The following AFF2 variants were observed in gnomAD, a reference collection of about 807,000 sequenced individuals.
The protein encoded by AFF2 is AF4/FMR2 family member 2.
A neutral mutation model predicts 76.9 loss-of-function variants in AFF2; 14 were observed. The ratio of observed to expected loss-of-function variants is 0.18; its 90% confidence interval spans 0.12 to 0.28. The LOEUF (loss-of-function observed/expected upper bound fraction) is 0.28, where lower values mean the gene tolerates loss of function less well. Among genes scored for constraint, AFF2 ranks in the 10% least tolerant of loss-of-function variants. The pLI is 1.00. For missense variants in AFF2, 868 were observed against 1,001.1 expected (o/e 0.87, Z 1.79); for synonymous variants, 398 against 366.7 (o/e 1.09, Z -0.98).
chrX:148,781,908 G>A (rs1049252404), intron 3 of AFF2, among the ~76,000 whole-genome samples: 2 of 111,454 alleles, frequency 1.8e-5, no homozygotes, highest in African/African-American at 3.3e-5. Context: ...GGATAGCACC[G>A]CCCCTCACAG....
At chrX:148,986,034 C>T (rs1426230517) in intron 19 of AFF2, among the ~76,000 whole-genome samples, 1 of 99,632 alleles carries the variant, frequency 1.0e-5, no homozygotes, top group Admixed American at 1.2e-4. Flanking sequence ...TATGTGCTGC[C>T]CGTCAGGGTG....
chrX:148,839,861 T>C (rs1255001608), intron 5 of AFF2, among the ~76,000 whole-genome samples: 3 of 108,370 alleles, frequency 2.8e-5, no homozygotes, highest in African/African-American at 1.0e-4. Context: ...CAAGTTCCTC[T>C]AAACCTCTGT....
At chrX:148,879,066 G>A (rs782407219) in intron 7 of AFF2, among the ~76,000 whole-genome samples, 57 of 111,829 alleles carry the variant, frequency 5.1e-4, no homozygotes, top group South Asian at 4.5e-3. Context: ...AGTCATATAC[G>A]TCAGGGTTCA....
intron 1 of AFF2, among the ~76,000 whole-genome samples, chrX:148,543,415 T>TC (rs2052882992): frequency 9.0e-6 from 1 of 111,398 alleles, no homozygotes; most frequent in Non-Finnish European, 1.9e-5. Flanking sequence ...CCTGGCATCC[T>TC]ATATTTCTGC....
intron 3 of AFF2, among the ~76,000 whole-genome samples, chrX:148,751,548 G>T (rs928317770): frequency 3.6e-5 from 4 of 112,086 alleles, no homozygotes; most frequent in Non-Finnish European, 7.5e-5. Flanking sequence ...GTAGGAGAAA[G>T]CACATTACAG....
At chrX:148,724,826 G>A (rs59949937) in intron 3 of AFF2, among the ~76,000 whole-genome samples, 7,590 of 112,227 alleles carry the variant, frequency 0.068, 563 homozygotes, top group African/African-American at 0.22. Flanking sequence ...TAGTAGTAGT[G>A]GAATAGCAAT....
At chrX:148,569,454 C>T (rs2053203825) in intron 1 of AFF2, among the ~76,000 whole-genome samples, 1 of 110,836 alleles carries the variant, frequency 9.0e-6, no homozygotes, top group South Asian at 3.9e-4. Flanking sequence ...AAAAACAAAA[C>T]AAAGCAAAAC....
At chrX:148,858,387 T>C (rs2070809819) in intron 7 of AFF2, among the ~76,000 whole-genome samples, 1 of 111,572 alleles carries the variant, frequency 9.0e-6, no homozygotes, top group South Asian at 3.7e-4. Flanking sequence ...AGCATATATT[T>C]CCATACAGAT....
chrX:148,557,916 AC>A (rs2053069857), intron 1 of AFF2, among the ~76,000 whole-genome samples: 1 of 111,957 alleles, frequency 8.9e-6, no homozygotes, highest in Admixed American at 9.5e-5. Context: ...AATTATATTC[AC>A]AGAGAGGTTA....
rs190720911 is a variant in AFF2, at chrX:148,616,517, A to C, written c.48-35482A>C. ...CTTGTGTGTAAGTTGGTATACAATAACCAAAAACATTGTTTTCAAAATTTA... is the reference window on the plus strand; with the variant it reads ...CTTGTGTGTAAGTTGGTATACAATACCCAAAAACATTGTTTTCAAAATTTA... On this transcript the variant is annotated intron_variant, in intron 1 of 20. Transcript: ENST00000370460. Among the ~76,000 whole-genome samples, 403 of 111,132 alleles carry C rather than the reference A, an allele frequency of 3.6e-3. 3 individuals carry two copies. The highest frequency in any genetic ancestry group is 0.012 in the African/African-American group (377 of 30,533).
chrX:148,750,640 C>G (rs1440021525), intron 3 of AFF2, among the ~76,000 whole-genome samples: 2 of 111,549 alleles, frequency 1.8e-5, no homozygotes, highest in African/African-American at 6.5e-5. Context: ...CTATGCAACC[C>G]TGGAAAAGTC....
intron 15 of AFF2, 88 bp from the exon 16 acceptor site, chrX:148,973,383 G>A (rs2072282673): frequency 9.0e-6 from 10 of 1,108,296 alleles, no homozygotes; most frequent in Middle Eastern, 5.2e-4. Context: ...TGGGAAGGGG[G>A]CAAAACTACC....
At chrX:148,682,589 G>C (rs1411047127) in intron 3 of AFF2, among the ~76,000 whole-genome samples, 1 of 109,333 alleles carries the variant, frequency 9.1e-6, no homozygotes, top group East Asian at 2.9e-4. Flanking sequence ...TGGATGGATG[G>C]ATGGATGGAT....
chrX:148,962,168 G>T (rs1409420208), intron 12 of AFF2, among the ~76,000 whole-genome samples: 1 of 112,754 alleles, frequency 8.9e-6, no homozygotes, highest in Non-Finnish European at 1.9e-5. Flanking sequence ...AGAACATTCT[G>T]TATATACAAT....
intron 1 of AFF2, among the ~76,000 whole-genome samples, chrX:148,585,324 C>T (rs1557245730): frequency 8.9e-6 from 1 of 111,732 alleles, no homozygotes; most frequent in Non-Finnish European, 1.9e-5. Context: ...CATTTATTAG[C>T]CCTACAATTG....
intron 7 of AFF2, among the ~76,000 whole-genome samples, chrX:148,865,085 A>T (rs2070890891): frequency 8.9e-6 from 1 of 112,519 alleles, no homozygotes; most frequent in Admixed American, 9.4e-5. Context: ...CACAAATTGA[A>T]TAATGTGAAA....
At chrX:148,642,160 G>A (rs781925937) in intron 1 of AFF2, among the ~76,000 whole-genome samples, 18 of 111,900 alleles carry the variant, frequency 1.6e-4, no homozygotes, top group Middle Eastern at 9.2e-3. Flanking sequence ...TACTCAGGCC[G>A]GGGCTCTGCA....
chrX:148,527,075 T>A (rs2052668827), intron 1 of AFF2, among the ~76,000 whole-genome samples: 1 of 112,027 alleles, frequency 8.9e-6, no homozygotes, highest in African/African-American at 3.2e-5. Context: ...GGGGAAGAAG[T>A]AGCAAATTGG....
intron 1 of AFF2, among the ~76,000 whole-genome samples, chrX:148,552,329 C>G (rs1302184668): frequency 8.9e-6 from 1 of 111,744 alleles, no homozygotes; most frequent in Middle Eastern, 4.7e-3. Flanking sequence ...AACCCCAAAG[C>G]CTTGCCCAGT....
Sources: gnomAD v4.1 joint callset for allele counts (sites outside exome capture counted in the v4.1 genomes callset) on GRCh38, gnomAD v4.1.1 for gene constraint, MANE v1.5 for transcripts, NCBI Gene and HGNC (gene_info 2026-07-23, HGNC 2026-07-21) for gene names.